FBRSL1: variants seen among roughly 807,000 people sequenced by gnomAD.
FBRSL1 encodes the protein fibrosin-1-like protein.
In FBRSL1, 51 loss-of-function variants were observed where a neutral mutation model predicts 89.6. That is an observed-to-expected ratio of 0.57 (90% confidence interval 0.45 to 0.72). FBRSL1 has a LOEUF of 0.72. Ranked by LOEUF, FBRSL1 falls within the 30% of genes least tolerant of loss-of-function variation. FBRSL1 has a pLI of 0.00. For missense variants in FBRSL1, 1,618 were observed against 1,451.8 expected, an observed-to-expected ratio of 1.11 and a Z score of -1.86; for synonymous variants, 779 against 681.1, an observed-to-expected ratio of 1.14 and a Z score of -2.24.
intron 2 of FBRSL1, among the ~76,000 whole-genome samples, chr12:132,520,897 G>C (rs2035296774): frequency 6.6e-6 from 1 of 152,184 alleles, no homozygotes; most frequent in African/African-American, 2.4e-5. Flanking sequence ...ACGGCTTTGT[G>C]GGCTCCCAAA....
chr12:132,517,291 G>A (rs2034928651), intron 2 of FBRSL1, among the ~76,000 whole-genome samples: 2 of 152,376 alleles, frequency 1.3e-5, no homozygotes, highest in Non-Finnish European at 2.9e-5. Context: ...GCCGGCCAGG[G>A]TGCTGTTAGG....
intron 5 of FBRSL1, among the ~76,000 whole-genome samples, chr12:132,556,415 G>A (rs2038643039): frequency 1.3e-5 from 2 of 152,228 alleles, no homozygotes; most frequent in Non-Finnish European, 2.9e-5. Context: ...TACCCCCCAC[G>A]CCACGACTCA....
chr12:132,572,500 C>A (rs373932534), intron 10 of FBRSL1, 27 bp from the exon 11 acceptor site: 4 of 1,531,480 alleles, frequency 2.6e-6, no homozygotes, highest in Admixed American at 2.0e-5. Flanking sequence ...TTGGGCCCCC[C>A]CTCCATCCGC....
intron 5 of FBRSL1, among the ~76,000 whole-genome samples, chr12:132,558,105 C>A (rs1201840858): frequency 6.6e-6 from 1 of 151,830 alleles, no homozygotes; most frequent in East Asian, 1.9e-4. Context: ...GTCACAGGGC[C>A]CCTTCACGGC....
At chr12:132,512,062 A>G (rs2034402869) in intron 2 of FBRSL1, 1 of 959,054 alleles carries the variant, frequency 1.0e-6, no homozygotes, top group Admixed American at 6.2e-5. Flanking sequence ...CTGACCGAAC[A>G]GAGGGGAGAC....
chr12:132,534,108 G>A (rs938191640), intron 4 of FBRSL1, among the ~76,000 whole-genome samples: 8 of 152,286 alleles, frequency 5.3e-5, no homozygotes, highest in African/African-American at 1.9e-4. Flanking sequence ...AGAGGGGCAG[G>A]GTCCAGGCCA....
At chr12:132,509,362 A>C (rs1173972504) in intron 2 of FBRSL1, 14 of 1,244,672 alleles carry the variant, frequency 1.1e-5, no homozygotes, top group Admixed American at 4.2e-5. Flanking sequence ...AGCTGGCCCC[A>C]GCGGTCACTT....
At chr12:132,528,610 G>A (rs1001149211) in intron 4 of FBRSL1, among the ~76,000 whole-genome samples, 1 of 151,792 alleles carries the variant, frequency 6.6e-6, no homozygotes, top group Non-Finnish European at 1.5e-5. Context: ...TCTGCCTGGG[G>A]GGAGCGGGTG....
In FBRSL1 at chr12:132,570,065, C is replaced by A; in HGVS notation, c.831C>A (p.Pro277=). The change falls in exon 7 of 19, where the codon CCC becomes CCA. Residue 277 remains proline, a synonymous_variant. Coordinates refer to ENST00000680143, the MANE Select transcript of FBRSL1 (RefSeq NM_001367871.1). ...PAPHAAPCPG[P]PPGSRANPLV... is the part of the protein sequence containing the mutation. ...CCCATGCCGCGCCCTGCCCGGGGCC[C>A]CCGCCCGGCTCCCGCGCCAATCCCT... The A allele has an allele frequency of 6.7e-7, 1 of 1,494,524 alleles. No homozygotes were observed. Among genetic ancestry groups the A allele is most frequent in the Admixed American group, 2.3e-5 (1 of 44,334 alleles). The allele number at this position is 1,494,524 out of a possible 1,614,324, so 92.6% of individuals were successfully genotyped here.
chr12:132,562,754 G>A lies in FBRSL1; in HGVS notation c.646-4727G>A, dbSNP rs116074491. On this transcript the variant is annotated intron_variant, in intron 5 of 18. Transcript: ENST00000680143. ...CCTTCCGGCGCGTGTGGGTGTGGCA[G>A]GCCCGCCTCGGCTCTTGCCATCTTA... 7.3e-3 allele frequency among the ~76,000 whole-genome samples: 1,109 copies of A among 152,238 alleles called. 12 individuals are homozygous for A. Among genetic ancestry groups the A allele is most frequent in the African/African-American group, 0.025 (1,050 of 41,500 alleles).
intron 2 of FBRSL1, among the ~76,000 whole-genome samples, chr12:132,514,129 G>A (rs369297865): frequency 3.3e-5 from 5 of 152,216 alleles, no homozygotes; most frequent in African/African-American, 7.2e-5. Context: ...CTGTTCTCGC[G>A]TCAGGGCTCG....
rs576294762 is a variant in FBRSL1, at chr12:132,502,693, C to T, written c.292-5460C>T. ...TCCTCACACCAGCCTGCCCCTTACACCATCCCCCACCTCCCTGCTTCAGGC... is the reference window on the plus strand; with the variant it reads ...TCCTCACACCAGCCTGCCCCTTACATCATCCCCCACCTCCCTGCTTCAGGC... On this transcript the variant is annotated intron_variant, in intron 1 of 18. Transcript: ENST00000680143. Among the ~76,000 whole-genome samples, 419 of 151,804 alleles carry T rather than the reference C, an allele frequency of 2.8e-3. 2 individuals carry two copies. Among genetic ancestry groups the T allele is most frequent in the Middle Eastern group, 0.014 (4 of 294 alleles).
At chr12:132,564,642 C>T (rs2039441953) in intron 5 of FBRSL1, among the ~76,000 whole-genome samples, 1 of 123,476 alleles carries the variant, frequency 8.1e-6, no homozygotes, top group East Asian at 4.4e-4. Flanking sequence ...ACTACAGGCG[C>T]CCGCCACCAC....
intron 3 of FBRSL1, 57 bp from the exon 4 acceptor site, chr12:132,527,896 C>A: frequency 6.6e-7 from 1 of 1,522,506 alleles, no homozygotes; most frequent in Non-Finnish European, 8.9e-7. Flanking sequence ...CGGGTGCATC[C>A]CTGGGAGTTT....
chr12:132,583,797 C>G lies in FBRSL1; in HGVS notation c.*19C>G. 8.3e-7 allele frequency: 1 copy of G among 1,200,914 alleles called. No homozygotes were observed. Among genetic ancestry groups the G allele is most frequent in the Non-Finnish European group, 1.0e-6 (1 of 965,316 alleles). The allele number at this position is 1,200,914 out of a possible 1,614,324, so 74.4% of individuals were successfully genotyped here. The stretch of plus-strand genomic sequence containing the variant: ...GCGGTAGCCCCGGGGCCGCAGACGC[C>G]TCTCCGAGCGGAGCGCACCGCTGTC... On this transcript the variant is annotated 3_prime_UTR_variant, in exon 19 of 19. Transcript: ENST00000680143.
In FBRSL1 at chr12:132,567,531, G is replaced by C. The variant is rs1337043743; in HGVS notation, c.691+5G>C. ...TTGCGCCGGGAACCGATAAAGGTAA[G>C]TGGGTCCCCTCGGCCCAGCTCCTGG... On this transcript the variant is annotated splice_donor_5th_base_variant and intron_variant, in intron 6 of 18. Coordinates refer to ENST00000680143, the MANE Select transcript of FBRSL1 (RefSeq NM_001367871.1). The C allele has an allele frequency of 6.4e-7, 1 of 1,550,980 alleles. No homozygotes were observed.
At chr12:132,551,527 T>C (rs1364610116) in intron 5 of FBRSL1, 1 of 456,266 alleles carries the variant, frequency 2.2e-6, no homozygotes, top group South Asian at 1.5e-5. Context: ...GCCAGTGCAC[T>C]TCACATCTCA....
intron 5 of FBRSL1, among the ~76,000 whole-genome samples, chr12:132,549,614 G>A (rs1273237716): frequency 6.6e-6 from 1 of 152,212 alleles, no homozygotes; most frequent in African/African-American, 2.4e-5. Flanking sequence ...GGGAGCCTGG[G>A]GCCTACTGGG....
chr12:132,558,484 G>A (rs771594771), intron 5 of FBRSL1, among the ~76,000 whole-genome samples: 77 of 152,372 alleles, frequency 5.1e-4, no homozygotes, highest in Non-Finnish European at 8.7e-4. Flanking sequence ...GTGCATGGAC[G>A]CAAGCGCGTG....
Sources: allele counts gnomAD v4.1 joint callset (sites outside exome capture counted in the v4.1 genomes callset), GRCh38; gene constraint gnomAD v4.1.1; transcripts MANE v1.5; gene names NCBI Gene and HGNC (gene_info 2026-07-23, HGNC 2026-07-21).